Variants in CUL5 observed in about 807,000 individuals in gnomAD.
The protein encoded by CUL5 is cullin 5, also known as cullin-5.
Under a neutral mutation model 108.8 loss-of-function variants are expected in CUL5, and 26 were observed. The ratio of observed to expected loss-of-function variants is 0.24; its 90% confidence interval spans 0.18 to 0.33. CUL5 has a LOEUF of 0.33. Ranked by LOEUF, CUL5 falls within the 10% of genes least tolerant of loss-of-function variation. The pLI is 1.00. For synonymous variants in CUL5, 334 were observed against 298.0 expected (o/e 1.12, Z -1.25); for missense variants, 524 against 909.2 (o/e 0.58, Z 5.45).
rs377067253 is a variant in CUL5, at chr11:108,098,057, CGTTTTTGTTTTT to C, written c.2024+320_2025-321del. On this transcript the variant is annotated intron_variant, in intron 17 of 18. Transcript: ENST00000393094. ...AAGCGTTTTTTGTGTTGTTTTGTTT[CGTTTTTGTTTTT>C]GTTTTTGTTTTTGTTTGTTAAGACC... 2.5e-3 allele frequency among the ~76,000 whole-genome samples: 378 copies of C among 151,938 alleles called. 2 individuals are homozygous for C. Among genetic ancestry groups the C allele is most frequent in the African/African-American group, 8.4e-3 (349 of 41,462 alleles).
intron 9 of CUL5, 56 bp downstream of exon 9, chr11:108,072,518 T>C (rs1319793248): frequency 1.1e-5 from 16 of 1,478,436 alleles, no homozygotes; most frequent in African/African-American, 1.4e-5. Flanking sequence ...TTTTTAAATG[T>C]AGGATTATTG....
intron 1 of CUL5, among the ~76,000 whole-genome samples, chr11:108,027,273 ATT>A (rs35581482): frequency 4.2e-5 from 6 of 142,286 alleles, no homozygotes; most frequent in Non-Finnish European, 7.7e-5. Flanking sequence ...TGCCCAGCTA[ATT>A]TTTTTTTTTT....
At chr11:108,084,022 G>A (rs570146574) in intron 11 of CUL5, among the ~76,000 whole-genome samples, 3 of 152,280 alleles carry the variant, frequency 2.0e-5, no homozygotes, top group African/African-American at 7.2e-5. Flanking sequence ...TGTCATTAGT[G>A]TTAGTGTATT....
chr11:108,026,670 C>T (rs1175522176), intron 1 of CUL5, among the ~76,000 whole-genome samples: 1 of 152,124 alleles, frequency 6.6e-6, no homozygotes, highest in Non-Finnish European at 1.5e-5. Flanking sequence ...TTCCTGTCAG[C>T]ATACAATCAT....
chr11:108,059,963 TG>T (rs1416782448), intron 7 of CUL5, among the ~76,000 whole-genome samples: 1 of 152,168 alleles, frequency 6.6e-6, no homozygotes, highest in African/African-American at 2.4e-5. Context: ...ATTTGAGCAC[TG>T]TGCCTGGCAT....
At chr11:108,095,465 G>C in intron 15 of CUL5, 65 bp from the exon 16 acceptor site, 2 of 1,101,814 alleles carry the variant, frequency 1.8e-6, no homozygotes, top group Non-Finnish European at 2.6e-6. Context: ...ATAAATTCAT[G>C]TCATAGATAT....
At position 108,088,663 on chromosome 11, in the gene CUL5, C is replaced by G; in HGVS notation, c.1311+4C>G. 6.4e-7 allele frequency: 1 copy of G among 1,570,494 alleles called. No individual in the cohort carries two copies. Among genetic ancestry groups the G allele is most frequent in the Non-Finnish European group, 8.6e-7 (1 of 1,164,796 alleles). The stretch of plus-strand genomic sequence containing the variant: ...TGAAGCAAAGCTTAAAGAAGTGGTA[C>G]ATGAATTTTTTGTATTTCAACTTTT... On this transcript the variant is annotated splice_donor_region_variant and intron_variant, in intron 12 of 18. Transcript: ENST00000393094.
chr11:108,077,036 T>C (rs7106586), intron 10 of CUL5, among the ~76,000 whole-genome samples: 3,121 of 152,312 alleles, frequency 0.02, 116 homozygotes, highest in African/African-American at 0.071. Context: ...AAAATATGTT[T>C]GGCAGCTTCA....
chr11:108,052,818 T>G lies in CUL5; in HGVS notation c.553+17T>G. The G allele has an allele frequency of 6.3e-7, 1 of 1,588,476 alleles. No individual in the cohort carries two copies. Among genetic ancestry groups the G allele is most frequent in the Non-Finnish European group, 8.6e-7 (1 of 1,167,464 alleles). ...AATCCTATGGTATGTTCTGAACTTTTATGATCATAATTTCTGTTTCATGGA... is the reference window on the plus strand; with the variant it reads ...AATCCTATGGTATGTTCTGAACTTTGATGATCATAATTTCTGTTTCATGGA... On this transcript the variant is annotated intron_variant, in intron 5 of 18. Coordinates refer to ENST00000393094, the MANE Select transcript of CUL5 (RefSeq NM_003478.6).
At chr11:108,019,197 T>TGGGGGG (rs1862272084) in intron 1 of CUL5, among the ~76,000 whole-genome samples, 1 of 3,980 alleles carries the variant, frequency 2.5e-4, no homozygotes, top group African/African-American at 1.2e-3. Context: ...TCCCGATGGG[T>TGGGGGG]GGGGGTGGGG....
In CUL5 at chr11:108,008,920, C is replaced by G. The variant is rs898319975; in HGVS notation, c.-429C>G. On this transcript the variant is annotated 5_prime_UTR_variant, in exon 1 of 19. Coordinates refer to ENST00000393094, the MANE Select transcript of CUL5 (RefSeq NM_003478.6). Reference sequence around the variant, plus strand: ...CGAGCGCGTCCCCGCCCTCGCGTCACGTGACGTGGCCGCGGAACCTGAGCT... The same window carrying G: ...CGAGCGCGTCCCCGCCCTCGCGTCAGGTGACGTGGCCGCGGAACCTGAGCT... 6.0e-6 allele frequency: 1 copy of G among 166,176 alleles called. No individual in the cohort carries two copies. Among genetic ancestry groups the G allele is most frequent in the South Asian group, 1.6e-4 (1 of 6,108 alleles). 10.3% of individuals were successfully genotyped at this position (166,176 alleles called of 1,614,324 possible).
At chr11:108,103,026 A>T (rs1864709524) in intron 18 of CUL5, among the ~76,000 whole-genome samples, 1 of 152,114 alleles carries the variant, frequency 6.6e-6, no homozygotes, top group South Asian at 2.1e-4. Flanking sequence ...AAACTCCTGG[A>T]CTCAAGCAAT....
intron 1 of CUL5, among the ~76,000 whole-genome samples, chr11:108,015,815 T>C (rs1162039231): frequency 6.6e-6 from 1 of 152,296 alleles, no homozygotes; most frequent in East Asian, 1.9e-4. Context: ...CAGCTCAGGG[T>C]AAATTTTGAT....
At chr11:108,085,023 CAAAAG>C (rs1211668122) in intron 11 of CUL5, 1 of 152,306 alleles carries the variant, frequency 6.6e-6, no homozygotes, top group South Asian at 2.1e-4. Flanking sequence ...TCAAAACAAA[CAAAAG>C]AAGGTCAACA....
intron 2 of CUL5, among the ~76,000 whole-genome samples, chr11:108,045,471 G>A (rs762566974): frequency 6.6e-6 from 1 of 152,164 alleles, no homozygotes; most frequent in African/African-American, 2.4e-5. Flanking sequence ...TGTAGTCCCA[G>A]CTACTCAGGA....
At chr11:108,094,770 C>T in intron 14 of CUL5, 42 bp from the exon 15 acceptor site, 1 of 1,393,698 alleles carries the variant, frequency 7.2e-7, no homozygotes, top group East Asian at 2.4e-5. Flanking sequence ...GAATTTTATC[C>T]ATTGTTAATT....
intron 2 of CUL5, among the ~76,000 whole-genome samples, chr11:108,041,460 A>G (rs1035622047): frequency 1.8e-4 from 27 of 150,190 alleles, no homozygotes; most frequent in South Asian, 2.1e-4. Context: ...TATTTTTGGT[A>G]GAGACGGGGT....
In CUL5 at chr11:108,054,975, T is replaced by G. The variant is rs748759725; in HGVS notation, c.780+20T>G. On this transcript the variant is annotated intron_variant, in intron 7 of 18. Transcript: ENST00000393094. ...GAAGCAGTAAGTAATTTTGTAATTG[T>G]ACATTTTATGGGATTATTTGAAATA... The G allele has an allele frequency of 1.3e-6, 2 of 1,507,774 alleles. No individual in the cohort carries two copies. Among genetic ancestry groups the G allele is most frequent in the Non-Finnish European group, 9.1e-7 (1 of 1,097,100 alleles). The allele number at this position is 1,507,774 out of a possible 1,614,324, so 93.4% of individuals were successfully genotyped here.
At chr11:108,018,737 A>AT (rs911351599) in intron 1 of CUL5, among the ~76,000 whole-genome samples, 1 of 152,110 alleles carries the variant, frequency 6.6e-6, no homozygotes, top group Admixed American at 6.6e-5. Flanking sequence ...GCACACATTT[A>AT]TTTTTATTAA....
Sources: allele counts gnomAD v4.1 joint callset (sites outside exome capture counted in the v4.1 genomes callset), GRCh38; gene constraint gnomAD v4.1.1; transcripts MANE v1.5; gene names NCBI Gene and HGNC (gene_info 2026-07-23, HGNC 2026-07-21).